The following IGF1R variants were observed in gnomAD, a reference collection of about 807,000 sequenced individuals.
IGF1R encodes the protein insulin-like growth factor 1 receptor.
Under a neutral mutation model 144.6 loss-of-function variants are expected in IGF1R, and 44 were observed. The ratio of observed to expected loss-of-function variants is 0.30; its 90% CI spans 0.24 to 0.39. IGF1R has a LOEUF of 0.39. Ranked by LOEUF, IGF1R falls within the 10% of genes least tolerant of loss-of-function variation. IGF1R has a pLI of 1.00. For missense variants in IGF1R, 1,355 were observed against 1,833.7 expected (o/e 0.74, Z 4.77); for synonymous variants, 795 against 722.8 (o/e 1.10, Z -1.60).
intron 1 of IGF1R, among the ~76,000 whole-genome samples, chr15:98,666,835 G>A (rs1242414765): frequency 6.6e-6 from 1 of 152,156 alleles, no homozygotes; most frequent in East Asian, 1.9e-4. Flanking sequence ...CGGTGGTTGA[G>A]CAACATTGTG....
intron 1 of IGF1R, among the ~76,000 whole-genome samples, chr15:98,692,340 A>C (rs1310687990): frequency 6.6e-6 from 1 of 152,088 alleles, no homozygotes; most frequent in South Asian, 2.1e-4. Flanking sequence ...CCTGGCTCCA[A>C]AGAAAAAAAG....
At chr15:98,737,242 G>A (rs1361247699) in intron 2 of IGF1R, among the ~76,000 whole-genome samples, 1 of 152,208 alleles carries the variant, frequency 6.6e-6, no homozygotes, top group African/African-American at 2.4e-5. Context: ...GGCGGCAGCT[G>A]CTCTGTGCCA....
At chr15:98,947,524 A>G (rs2016599002) in intron 19 of IGF1R, among the ~76,000 whole-genome samples, 1 of 152,166 alleles carries the variant, frequency 6.6e-6, no homozygotes, top group African/African-American at 2.4e-5. Flanking sequence ...ACTCCACCAA[A>G]GTGAACCACA....
chr15:98,866,342 TG>T (rs1456472944), intron 2 of IGF1R, among the ~76,000 whole-genome samples: 1 of 152,238 alleles, frequency 6.6e-6, no homozygotes, highest in Non-Finnish European at 1.5e-5. Flanking sequence ...CCATTGCATG[TG>T]GGAAGCTTCA....
At chr15:98,723,073 A>G (rs1322690006) in intron 2 of IGF1R, among the ~76,000 whole-genome samples, 1 of 151,996 alleles carries the variant, frequency 6.6e-6, no homozygotes, top group Non-Finnish European at 1.5e-5. Context: ...ACCCGTGGCC[A>G]CCGAGAGAGA....
chr15:98,654,463 A>G (rs2052440651), intron 1 of IGF1R, among the ~76,000 whole-genome samples: 1 of 152,248 alleles, frequency 6.6e-6, no homozygotes, highest in South Asian at 2.1e-4. Flanking sequence ...GAAATCAGGA[A>G]GCATTCATAA....
chr15:98,667,226 T>G (rs1008867716), intron 1 of IGF1R, among the ~76,000 whole-genome samples: 4 of 152,250 alleles, frequency 2.6e-5, no homozygotes, highest in Non-Finnish European at 5.9e-5. Flanking sequence ...ATCAGCCATG[T>G]GACGTGTAAT....
intron 2 of IGF1R, among the ~76,000 whole-genome samples, chr15:98,748,812 T>C (rs2141329299): frequency 6.6e-6 from 1 of 152,356 alleles, no homozygotes; most frequent in African/African-American, 2.4e-5. Flanking sequence ...TTGCGTTTAT[T>C]CTTGAGCCAT....
chr15:98,714,170 G>T (rs1482979300), intron 2 of IGF1R, among the ~76,000 whole-genome samples: 1 of 142,192 alleles, frequency 7.0e-6, no homozygotes, highest in African/African-American at 3.1e-5. Context: ...AAGGCAGGTT[G>T]TAGTAAAAAA....
rs1301800806 is a variant in IGF1R, at chr15:98,964,201, GT to G, written c.*6761del. ...AATAATGCATTTTCTGAGTTTTCTT[GT>G]TAAAAAAAAATTTTTTTAAGTAAGA... On this transcript the variant is annotated 3_prime_UTR_variant, in exon 21 of 21. Coordinates refer to ENST00000650285, the MANE Select transcript of IGF1R (RefSeq NM_000875.5). 8.7e-6 allele frequency: 2 copies of G among 230,390 alleles called. No homozygotes were observed. Among genetic ancestry groups the G allele is most frequent in the South Asian group, 3.7e-4 (2 of 5,464 alleles). 14.3% of individuals were successfully genotyped at this position (230,390 alleles called of 1,614,324 possible).
intron 6 of IGF1R, among the ~76,000 whole-genome samples, chr15:98,909,495 A>G (rs535887713): frequency 6.6e-6 from 1 of 152,036 alleles, no homozygotes; most frequent in South Asian, 2.1e-4. Context: ...CTGACCTCAA[A>G]TGATCCACGT....
chr15:98,808,527 A>G (rs2056514278), intron 2 of IGF1R, among the ~76,000 whole-genome samples: 1 of 152,208 alleles, frequency 6.6e-6, no homozygotes, highest in African/African-American at 2.4e-5. Context: ...TAATATATAC[A>G]TTCATTGAGA....
chr15:98,874,939 C>G (rs1273942364), intron 2 of IGF1R, among the ~76,000 whole-genome samples: 1 of 152,216 alleles, frequency 6.6e-6, no homozygotes, highest in East Asian at 1.9e-4. Context: ...CTGCAGTGAA[C>G]AAATGCTGAC....
At chr15:98,713,094 C>CGGGA (rs2054032906) in intron 2 of IGF1R, among the ~76,000 whole-genome samples, 1 of 151,932 alleles carries the variant, frequency 6.6e-6, no homozygotes, top group Non-Finnish European at 1.5e-5. Flanking sequence ...CAGTGGTGCT[C>CGGGA]TCCCGTGCTG....
intron 1 of IGF1R, among the ~76,000 whole-genome samples, chr15:98,659,815 C>CA (rs2052561970): frequency 6.6e-6 from 1 of 152,072 alleles, no homozygotes; most frequent in African/African-American, 2.4e-5. Flanking sequence ...ATTTACCTTC[C>CA]ATTGCTCTAT....
At chr15:98,845,546 CCCT>C (rs967568626) in intron 2 of IGF1R, among the ~76,000 whole-genome samples, 3 of 144,556 alleles carry the variant, frequency 2.1e-5, no homozygotes, top group Admixed American at 2.1e-4. Context: ...CTCCTCCTCC[CCCT>C]CCTCTCTCCT....
intron 2 of IGF1R, among the ~76,000 whole-genome samples, chr15:98,772,806 T>C (rs1254208087): frequency 6.6e-6 from 1 of 151,998 alleles, no homozygotes; most frequent in Non-Finnish European, 1.5e-5. Context: ...TGGTGTTTTT[T>C]CCAGGGCAGA....
chr15:98,933,420 A>T (rs2715448), intron 15 of IGF1R, among the ~76,000 whole-genome samples: 80,984 of 151,816 alleles, frequency 0.53, 21,848 homozygotes, highest in South Asian at 0.68. Flanking sequence ...CTCAGCTCCC[A>T]GTAGCCTCAA....
At chr15:98,807,104 A>G (rs2056488528) in intron 2 of IGF1R, among the ~76,000 whole-genome samples, 1 of 152,240 alleles carries the variant, frequency 6.6e-6, no homozygotes, top group Admixed American at 6.5e-5. Flanking sequence ...TCTTCAGCTC[A>G]CGCCCTGTAC....
Sources: allele counts gnomAD v4.1 joint callset (sites outside exome capture counted in the v4.1 genomes callset), GRCh38; gene constraint gnomAD v4.1.1; transcripts MANE v1.5; gene names NCBI Gene and HGNC (gene_info 2026-07-23, HGNC 2026-07-21).